Variants in UBASH3B observed in about 807,000 individuals in gnomAD.
The protein encoded by UBASH3B is ubiquitin associated and SH3 domain containing B.
UBASH3B carries 37 observed loss-of-function variants against 83.4 expected under a neutral mutation model. The observed-to-expected ratio is 0.44, with a 90% CI of 0.34 to 0.58. UBASH3B has a LOEUF of 0.58. Among genes scored for constraint, UBASH3B ranks in the 20% least tolerant of loss-of-function variants. The pLI is 0.01. For missense variants in UBASH3B, 657 were observed against 827.2 expected (o/e 0.79, Z 2.52); for synonymous variants, 304 against 318.3 (o/e 0.96, Z 0.48).
At chr11:122,688,770 T>G (rs1056142725) in intron 1 of UBASH3B, among the ~76,000 whole-genome samples, 2 of 151,428 alleles carry the variant, frequency 1.3e-5, no homozygotes, top group Non-Finnish European at 2.9e-5. Context: ...TCAGCCTCCC[T>G]AGTAGCTGGG....
chr11:122,664,549 C>A (rs1863488165), intron 1 of UBASH3B, among the ~76,000 whole-genome samples: 1 of 152,176 alleles, frequency 6.6e-6, no homozygotes, highest in Admixed American at 6.5e-5. Flanking sequence ...TCTCTTTTCC[C>A]TGGAGGATGG....
chr11:122,760,743 G>A (rs755496191), intron 1 of UBASH3B, among the ~76,000 whole-genome samples: 2 of 152,184 alleles, frequency 1.3e-5, no homozygotes, highest in Non-Finnish European at 2.9e-5. Flanking sequence ...CAGATGTGAG[G>A]CCATGGAGGA....
intron 1 of UBASH3B, among the ~76,000 whole-genome samples, chr11:122,751,248 A>G (rs1397242038): frequency 6.6e-6 from 1 of 152,230 alleles, no homozygotes; most frequent in African/African-American, 2.4e-5. Flanking sequence ...GGATGAGATA[A>G]TCGGGTCCCT....
intron 1 of UBASH3B, among the ~76,000 whole-genome samples, chr11:122,769,283 A>AACTT (rs1470435277): frequency 1.3e-5 from 2 of 152,168 alleles, no homozygotes; most frequent in Non-Finnish European, 2.9e-5. Context: ...AAAGAGTGAG[A>AACTT]ACTTACTCCC....
intron 2 of UBASH3B, 135 bp downstream of exon 2, chr11:122,776,407 G>A (rs907177170): frequency 6.1e-5 from 46 of 753,496 alleles, no homozygotes; most frequent in South Asian, 4.4e-5. Flanking sequence ...TGGCAAGTGC[G>A]TTTATCAAGT....
In UBASH3B at chr11:122,671,861, C is replaced by T. The variant is rs529599296; in HGVS notation, c.161+15651C>T. Among the ~76,000 whole-genome samples the T allele has an allele frequency of 3.3e-5, 5 of 152,212 alleles. No individual in the cohort carries two copies. The East Asian group carries it at 9.7e-4, about 29-fold the overall frequency. ...TTGCTGTTTGCTGTGCAGCTGGCTC[C>T]GAAGGATGTGGAGGATGGAATCTCA... is the stretch of plus-strand genomic sequence containing the variant. On this transcript the variant is annotated intron_variant, in intron 1 of 13. Transcript: ENST00000284273.
chr11:122,724,259 A>G (rs1860692128), intron 1 of UBASH3B, among the ~76,000 whole-genome samples: 1 of 152,224 alleles, frequency 6.6e-6, no homozygotes, highest in Non-Finnish European at 1.5e-5. Context: ...GATCATGATG[A>G]CACTGGTACC....
chr11:122,737,324 T>C (rs1001659591), intron 1 of UBASH3B, among the ~76,000 whole-genome samples: 1 of 151,836 alleles, frequency 6.6e-6, no homozygotes, highest in African/African-American at 2.4e-5. Flanking sequence ...AAGCGAGGGG[T>C]GATGGGGCTT....
chr11:122,656,835 CGT>C, intron 1 of UBASH3B, among the ~76,000 whole-genome samples: 1 of 152,216 alleles, frequency 6.6e-6, no homozygotes, highest in African/African-American at 2.4e-5. Context: ...CCTGGGTTCT[CGT>C]CAGTGGTGAC....
At chr11:122,684,741 G>A (rs1336870960) in intron 1 of UBASH3B, among the ~76,000 whole-genome samples, 2 of 152,146 alleles carry the variant, frequency 1.3e-5, no homozygotes, top group Non-Finnish European at 2.9e-5. Context: ...GGGATTACAG[G>A]CATGCACCAC....
At chr11:122,781,362 C>A (rs1474830490) in intron 4 of UBASH3B, among the ~76,000 whole-genome samples, 1 of 152,176 alleles carries the variant, frequency 6.6e-6, no homozygotes, top group Non-Finnish European at 1.5e-5. Context: ...ATTGTCAGAA[C>A]CACTAAATCC....
chr11:122,694,643 A>C (rs904783019), intron 1 of UBASH3B, among the ~76,000 whole-genome samples: 63 of 152,328 alleles, frequency 4.1e-4, no homozygotes, highest in African/African-American at 1.5e-3. Context: ...ATATAGAAAA[A>C]TTAATGGGTT....
intron 1 of UBASH3B, among the ~76,000 whole-genome samples, chr11:122,680,399 G>A (rs961329885): frequency 2.0e-5 from 3 of 152,258 alleles, no homozygotes; most frequent in Admixed American, 1.3e-4. Context: ...CTTGCTGAGA[G>A]TAGCACAGCT....
chr11:122,802,954 C>T lies in UBASH3B; in HGVS notation c.1595+1622C>T, dbSNP rs565969367. Among the ~76,000 whole-genome samples the T allele has an allele frequency of 1.9e-4, 29 of 152,256 alleles. 1 individual carries two copies. Among genetic ancestry groups the T allele is most frequent in the Admixed American group, 1.6e-3 (24 of 15,292 alleles). On this transcript the variant is annotated intron_variant, in intron 11 of 13. Coordinates refer to ENST00000284273, the MANE Select transcript of UBASH3B (RefSeq NM_032873.5). ...GTCAACTATGTATTTTATATTTCCTCTAGATGTGTTTTGCCATTGCCTCCC... is the reference window on the plus strand; with the variant it reads ...GTCAACTATGTATTTTATATTTCCTTTAGATGTGTTTTGCCATTGCCTCCC...
intron 1 of UBASH3B, among the ~76,000 whole-genome samples, chr11:122,735,653 T>C (rs776472859): frequency 5.3e-5 from 8 of 152,222 alleles, no homozygotes; most frequent in Non-Finnish European, 1.0e-4. Flanking sequence ...AATTCCACCA[T>C]ATTTCACAGA....
intron 1 of UBASH3B, among the ~76,000 whole-genome samples, chr11:122,738,887 CAAAAA>C (rs35957240): frequency 9.3e-5 from 13 of 139,552 alleles, no homozygotes; most frequent in Admixed American, 2.8e-4. Flanking sequence ...AACTCTGTCT[CAAAAA>C]AAAAAAAAAA....
Position 122,809,901 on chromosome 11 carries a change from C to A in UBASH3B, c.*15C>A, listed in dbSNP as rs780765016. 6.2e-7 allele frequency: 1 copy of A among 1,611,870 alleles called. No homozygotes were observed. Among genetic ancestry groups the A allele is most frequent in the South Asian group, 1.1e-5 (1 of 90,582 alleles). On this transcript the variant is annotated 3_prime_UTR_variant, in exon 14 of 14. Coordinates refer to ENST00000284273, the MANE Select transcript of UBASH3B (RefSeq NM_032873.5). ...TTCAAGAATAAACCACACCAGTGAA[C>A]AAGAAGGAAAGGCCTTTTGGAGTGT...
chr11:122,809,904 G>C lies in UBASH3B; in HGVS notation c.*18G>C, dbSNP rs1303402009. On this transcript the variant is annotated 3_prime_UTR_variant, in exon 14 of 14. Coordinates refer to ENST00000284273, the MANE Select transcript of UBASH3B (RefSeq NM_032873.5). ...AAGAATAAACCACACCAGTGAACAAGAAGGAAAGGCCTTTTGGAGTGTGTC... is the reference window on the plus strand; with the variant it reads ...AAGAATAAACCACACCAGTGAACAACAAGGAAAGGCCTTTTGGAGTGTGTC... 6.2e-7 allele frequency: 1 copy of C among 1,611,736 alleles called. No individual in the cohort carries two copies. The highest frequency in any genetic ancestry group is 8.5e-7 in the Non-Finnish European group (1 of 1,179,464).
At chr11:122,674,700 C>T (rs1863643799) in intron 1 of UBASH3B, among the ~76,000 whole-genome samples, 1 of 148,746 alleles carries the variant, frequency 6.7e-6, no homozygotes, top group Non-Finnish European at 1.5e-5. Context: ...TCTTCTTACT[C>T]AGCACAGCAA....
Sources: allele counts gnomAD v4.1 joint callset (sites outside exome capture counted in the v4.1 genomes callset), GRCh38; gene constraint gnomAD v4.1.1; transcripts MANE v1.5; gene names NCBI Gene and HGNC (gene_info 2026-07-23, HGNC 2026-07-21).